Variants in PPP2R2C observed in about 807,000 individuals in gnomAD.
PPP2R2C encodes the protein protein phosphatase 2, regulatory subunit B, gamma.
PPP2R2C carries 10 observed loss-of-function variants against 45.3 expected under a neutral mutation model. The ratio of observed to expected loss-of-function variants is 0.22; its 90% CI spans 0.14 to 0.37. The LOEUF is 0.37. Among genes scored for constraint, PPP2R2C ranks in the 10% least tolerant of loss-of-function variants. PPP2R2C has a pLI of 1.00. For synonymous variants in PPP2R2C, 257 were observed against 245.4 expected (o/e 1.05, Z -0.44); for missense variants, 308 against 619.7 (o/e 0.50, Z 5.34).
intron 2 of PPP2R2C, among the ~76,000 whole-genome samples, chr4:6,495,111 C>A (rs1722835119): frequency 6.6e-6 from 1 of 152,230 alleles, no homozygotes; most frequent in Admixed American, 6.5e-5. Context: ...ATCCAGCCTG[C>A]CCTGCCAAGG....
chr4:6,384,160 A>G, intron 1 of PPP2R2C: 1 of 985,512 alleles, frequency 1.0e-6, no homozygotes, highest in Non-Finnish European at 1.2e-6. Context: ...AGGGACACCC[A>G]GACACATCTG....
At chr4:6,560,842 G>C (rs1479096227) in intron 1 of PPP2R2C, among the ~76,000 whole-genome samples, 3 of 152,246 alleles carry the variant, frequency 2.0e-5, no homozygotes, top group Non-Finnish European at 2.9e-5. Context: ...TGTGCTGTGA[G>C]CATGGAGCGT....
intron 1 of PPP2R2C, among the ~76,000 whole-genome samples, chr4:6,441,734 G>C (rs1027803635): frequency 2.0e-5 from 3 of 152,224 alleles, no homozygotes. Context: ...GGAATAGAGG[G>C]GTGGTGCTGT....
chr4:6,415,080 A>G (rs551704601), intron 1 of PPP2R2C, among the ~76,000 whole-genome samples: 32 of 152,384 alleles, frequency 2.1e-4, no homozygotes, highest in African/African-American at 7.7e-4. Context: ...GACAGTGGAC[A>G]AAAGGCCCCG....
chr4:6,531,749 A>G (rs890743159), intron 2 of PPP2R2C, among the ~76,000 whole-genome samples: 2 of 152,124 alleles, frequency 1.3e-5, no homozygotes, highest in African/African-American at 4.8e-5. Context: ...CACTTAAGGT[A>G]AAGCCCGGAG....
At chr4:6,363,199 C>G (rs1336016383) in intron 5 of PPP2R2C, among the ~76,000 whole-genome samples, 2 of 152,158 alleles carry the variant, frequency 1.3e-5, no homozygotes, top group Non-Finnish European at 2.9e-5. Flanking sequence ...GGCCCCAGAG[C>G]AGTTGTGTGC....
rs554286267 is a variant in PPP2R2C at position 6,499,764 on chromosome 4, TA to T, written c.49+35506del. Among the ~76,000 whole-genome samples the T allele has an allele frequency of 7.7e-3, 1,015 of 131,322 alleles. 7 individuals are homozygous for T. Among genetic ancestry groups the T allele is most frequent in the African/African-American group, 0.021 (767 of 35,898 alleles). 86.2% of individuals were successfully genotyped at this position (131,322 alleles called of 152,430 possible). A position where few individuals can be genotyped will look rare whatever the true frequency, so the allele number is the denominator to read the frequency against. ...ATAAACAGAATGGACCATTGAACCA[TA>T]AAAAAAAAAAAAACAACTCCTACCC... is the stretch of plus-strand genomic sequence containing the variant. On this transcript the variant is annotated intron_variant, in intron 2 of 9. Transcript: ENST00000506140.
intron 1 of PPP2R2C, among the ~76,000 whole-genome samples, chr4:6,402,135 G>A (rs572403750): frequency 7.2e-5 from 11 of 152,264 alleles, no homozygotes; most frequent in South Asian, 4.1e-4. Flanking sequence ...GCTGTTCATC[G>A]CCTTGAATCC....
At chr4:6,370,674 G>C (rs758297793) in intron 5 of PPP2R2C, among the ~76,000 whole-genome samples, 2 of 152,134 alleles carry the variant, frequency 1.3e-5, no homozygotes, top group Non-Finnish European at 2.9e-5. Flanking sequence ...GACAGCAGAG[G>C]CAATCAGCCC....
rs574413626 is a variant in PPP2R2C, at chr4:6,406,711, C to T, written c.71-25617G>A. On this transcript the variant is annotated intron_variant, in intron 1 of 8. Transcript: ENST00000382599. ...GGCGGAGGCTGCAGTGAGCCGAGAT[C>T]GCACCACTGCACTCCAGCCAGGGAA... Among the ~76,000 whole-genome samples, 9 of 152,180 alleles carry T rather than the reference C, an allele frequency of 5.9e-5. No homozygotes were observed. The East Asian group carries it at 9.6e-4, about 16-fold the overall frequency.
At chr4:6,457,707 T>G (rs1386288340) in intron 1 of PPP2R2C, among the ~76,000 whole-genome samples, 1 of 152,144 alleles carries the variant, frequency 6.6e-6, no homozygotes, top group Non-Finnish European at 1.5e-5. Context: ...CAACTAATAT[T>G]TATTTGGTAC....
chr4:6,462,778 G>A (rs1029438412), intron 1 of PPP2R2C, among the ~76,000 whole-genome samples: 4 of 152,224 alleles, frequency 2.6e-5, no homozygotes, highest in Admixed American at 6.5e-5. Context: ...CAGATGGAAC[G>A]GGGAAATGAC....
intron 2 of PPP2R2C, among the ~76,000 whole-genome samples, chr4:6,518,629 A>G (rs1723906007): frequency 6.6e-6 from 1 of 152,244 alleles, no homozygotes; most frequent in Non-Finnish European, 1.5e-5. Context: ...GCCTATATCT[A>G]TTAAAGAAAT....
chr4:6,481,078 C>CT (rs1722330830), intron 2 of PPP2R2C, among the ~76,000 whole-genome samples: 1 of 152,222 alleles, frequency 6.6e-6, no homozygotes, highest in Non-Finnish European at 1.5e-5. Flanking sequence ...AACCTATCCT[C>CT]TGTCTGTTTC....
Position 6,533,097 on chromosome 4 carries a change from T to C in PPP2R2C, c.49+2174A>G, listed in dbSNP as rs1724460835. ...GACACAGAATTCGGAAAGGCTGGGCTTGCAAACGTGACTTTAGAAAGCTTC... is the reference window on the plus strand; with the variant it reads ...GACACAGAATTCGGAAAGGCTGGGCCTGCAAACGTGACTTTAGAAAGCTTC... On this transcript the variant is annotated intron_variant, in intron 2 of 9. Coordinates refer to the PPP2R2C transcript ENST00000506140. 4.6e-5 allele frequency among the ~76,000 whole-genome samples: 7 copies of C among 152,334 alleles called. No homozygotes were observed. The South Asian group carries it at 1.2e-3, about 27-fold the overall frequency.
At position 6,552,382 on chromosome 4, in the gene PPP2R2C, G is replaced by A. The variant is rs576469482; in HGVS notation, c.-59+11178C>T. On this transcript the variant is annotated intron_variant, in intron 1 of 9. Transcript: ENST00000506140. ...TGCTGGAGGCCCCAGGGGAGGATCC[G>A]TTTCCTTGATCTTCGAGCTTCTGGA... is the stretch of plus-strand genomic sequence containing the variant. 7.9e-5 allele frequency among the ~76,000 whole-genome samples: 12 copies of A among 152,286 alleles called. No homozygotes were observed. In the South Asian group the frequency reaches 8.3e-4, roughly 11 times the overall value.
chr4:6,518,482 T>C (rs958122980), intron 2 of PPP2R2C, among the ~76,000 whole-genome samples: 3 of 152,196 alleles, frequency 2.0e-5, no homozygotes, highest in African/African-American at 2.4e-5. Flanking sequence ...ACAGATGCCA[T>C]GGACATTCAA....
chr4:6,464,862 A>T (rs1422930601), intron 1 of PPP2R2C, among the ~76,000 whole-genome samples: 2 of 149,894 alleles, frequency 1.3e-5, no homozygotes, highest in Non-Finnish European at 3.0e-5. Flanking sequence ...TTAGTTATGA[A>T]AATAAGAAAG....
chr4:6,489,226 C>G (rs1436102830), intron 2 of PPP2R2C, among the ~76,000 whole-genome samples: 1 of 152,224 alleles, frequency 6.6e-6, no homozygotes, highest in Non-Finnish European at 1.5e-5. Context: ...ATTCAATGAT[C>G]ACTTTCATGT....
Sources: gnomAD v4.1 joint callset for allele counts (sites outside exome capture counted in the v4.1 genomes callset) on GRCh38, gnomAD v4.1.1 for gene constraint, MANE v1.5 for transcripts, NCBI Gene and HGNC (gene_info 2026-07-23, HGNC 2026-07-21) for gene names.